The following SETBP1 variants were observed in gnomAD, a reference collection of about 807,000 sequenced individuals.
SETBP1 encodes SET-binding protein.
A neutral mutation model predicts 101.0 loss-of-function variants in SETBP1; 9 were observed. That is an observed-to-expected ratio of 0.09 (90% confidence interval 0.05 to 0.16). The LOEUF is 0.16. Ranked by LOEUF, SETBP1 falls within the 10% of genes least tolerant of loss-of-function variation. SETBP1 has a pLI of 1.00. For missense variants in SETBP1, 1,858 were observed against 2,033.8 expected (o/e 0.91, Z 1.66); for synonymous variants, 818 against 788.5 (o/e 1.04, Z -0.63).
At chr18:44,928,615 T>C (rs566643434) in intron 3 of SETBP1, among the ~76,000 whole-genome samples, 237 of 152,280 alleles carry the variant, frequency 1.6e-3, no homozygotes, top group African/African-American at 5.5e-3. Flanking sequence ...TTTTAATGAT[T>C]GCCATTCTAA....
At chr18:44,883,924 CA>C (rs2069585345) in intron 3 of SETBP1, among the ~76,000 whole-genome samples, 1 of 152,206 alleles carries the variant, frequency 6.6e-6, no homozygotes, top group African/African-American at 2.4e-5. Flanking sequence ...CATCTTCATA[CA>C]TTTCTCTTTT....
chr18:44,777,394 C>G (rs1258718462), intron 2 of SETBP1, among the ~76,000 whole-genome samples: 1 of 152,204 alleles, frequency 6.6e-6, no homozygotes, highest in Non-Finnish European at 1.5e-5. Context: ...CAACCCCTAG[C>G]ACTTAGTAAT....
chr18:44,791,720 C>CGAGA (rs111572062), intron 2 of SETBP1, among the ~76,000 whole-genome samples: 52 of 147,592 alleles, frequency 3.5e-4, no homozygotes, highest in East Asian at 7.9e-4. Context: ...CCTGTGGGGG[C>CGAGA]GAGAGAGAGA....
intron 4 of SETBP1, among the ~76,000 whole-genome samples, chr18:44,970,826 C>T (rs1253463963): frequency 2.0e-5 from 3 of 152,046 alleles, no homozygotes; most frequent in East Asian, 3.9e-4. Context: ...GCTGGGATTA[C>T]AGGCCTGAGC....
chr18:44,719,221 T>C lies in SETBP1; in HGVS notation c.486+17389T>C, dbSNP rs143448349. ...GAAATAGAAGCAGAAATCTGATAAA[T>C]TAGGGGAAGGTCAAAACACCTGAAA... is the stretch of plus-strand genomic sequence containing the variant. On this transcript the variant is annotated intron_variant, in intron 2 of 5. Coordinates refer to ENST00000649279, the MANE Select transcript of SETBP1 (RefSeq NM_015559.3). Among the ~76,000 whole-genome samples the C allele has an allele frequency of 2.6e-5, 4 of 152,012 alleles. No individual in the cohort carries two copies. The East Asian group carries it at 5.8e-4, about 22-fold the overall frequency.
intron 4 of SETBP1, among the ~76,000 whole-genome samples, chr18:45,005,071 G>A (rs1364459590): frequency 2.6e-5 from 4 of 152,168 alleles, no homozygotes; most frequent in Admixed American, 6.5e-5. Context: ...GCATCTCAGT[G>A]AAGGAATGAA....
intron 2 of SETBP1, among the ~76,000 whole-genome samples, chr18:44,707,010 T>G (rs1322658773): frequency 6.6e-6 from 1 of 152,208 alleles, no homozygotes; most frequent in Non-Finnish European, 1.5e-5. Flanking sequence ...TGCTAACTGT[T>G]TTACATTACT....
chr18:44,718,801 C>T (rs2069521702), intron 2 of SETBP1, among the ~76,000 whole-genome samples: 1 of 152,068 alleles, frequency 6.6e-6, no homozygotes, highest in African/African-American at 2.4e-5. Context: ...TTGGCAGCTT[C>T]CCACTGGTAT....
rs184094460 is a variant in SETBP1 at position 45,022,116 on chromosome 18, A to G, written c.4001-16369A>G. On this transcript the variant is annotated intron_variant, in intron 4 of 5. Transcript: ENST00000649279. ...GCAGATTTTGTCCCAAGTTGGACAC[A>G]TAGAGAACAAACCACCTCTTTTCCA... is the stretch of plus-strand genomic sequence containing the variant. Among the ~76,000 whole-genome samples, 343 of 152,304 alleles carry G rather than the reference A, an allele frequency of 2.3e-3. 1 individual carries two copies. The highest frequency in any genetic ancestry group is 7.9e-3 in the African/African-American group (329 of 41,568).
At chr18:44,868,703 G>T in intron 2 of SETBP1, among the ~76,000 whole-genome samples, 1 of 4,806 alleles carries the variant, frequency 2.1e-4, no homozygotes. Flanking sequence ...AGAGAGGACG[G>T]AAGGAAGGGA....
At chr18:44,766,830 T>G (rs1209443340) in intron 2 of SETBP1, among the ~76,000 whole-genome samples, 1 of 152,188 alleles carries the variant, frequency 6.6e-6, no homozygotes, top group Non-Finnish European at 1.5e-5. Flanking sequence ...ATTAAGATGA[T>G]AAATTTTATC....
chr18:44,748,359 G>T (rs1670197489), intron 2 of SETBP1, among the ~76,000 whole-genome samples: 1 of 152,236 alleles, frequency 6.6e-6, no homozygotes, highest in Admixed American at 6.5e-5. Context: ...TAGGCCTAGA[G>T]AGGCAAAGAA....
intron 2 of SETBP1, among the ~76,000 whole-genome samples, chr18:44,727,689 A>G (rs1170007300): frequency 1.3e-5 from 2 of 152,218 alleles, no homozygotes; most frequent in African/African-American, 4.8e-5. Context: ...CAGATTCTCG[A>G]AGGTGAAAGA....
At chr18:44,941,870 G>A (rs1187909333) in intron 3 of SETBP1, among the ~76,000 whole-genome samples, 2 of 151,826 alleles carry the variant, frequency 1.3e-5, no homozygotes, top group Non-Finnish European at 2.9e-5. Context: ...CATCAATTAT[G>A]TGTATCTTTT....
At chr18:44,770,385 G>C (rs1281760191) in intron 2 of SETBP1, among the ~76,000 whole-genome samples, 1 of 152,122 alleles carries the variant, frequency 6.6e-6, no homozygotes, top group Non-Finnish European at 1.5e-5. Flanking sequence ...TGTGGCTCTT[G>C]ATCAGTTAGA....
At chr18:44,775,775 G>T (rs1182228232) in intron 2 of SETBP1, among the ~76,000 whole-genome samples, 3 of 150,628 alleles carry the variant, frequency 2.0e-5, no homozygotes, top group Non-Finnish European at 3.0e-5. Flanking sequence ...TTAGAATAAC[G>T]AGATTAAAGA....
rs57458132 is a variant in SETBP1 at position 44,976,073 on chromosome 18, TACACACACACACACACAC to T, written c.4000+22759_4000+22776del. On this transcript the variant is annotated intron_variant, in intron 4 of 5. Transcript: ENST00000649279. ...AGTAAGTCGAGCTTTTGGGGAGGGA[TACACACACACACACACAC>T]ACACACACACACACACACACACACA... is the stretch of plus-strand genomic sequence containing the variant. Among the ~76,000 whole-genome samples, 392 of 143,686 alleles carry T rather than the reference TACACACACACACACACAC, an allele frequency of 2.7e-3. 3 individuals carry two copies. The highest frequency in any genetic ancestry group is 9.3e-3 in the African/African-American group (362 of 38,788). 94.3% of individuals were successfully genotyped at this position (143,686 alleles called of 152,430 possible). A position where few individuals can be genotyped will look rare whatever the true frequency, so the allele number is the denominator to read the frequency against.
At chr18:45,013,573 G>A (rs1226126247) in intron 4 of SETBP1, among the ~76,000 whole-genome samples, 1 of 152,126 alleles carries the variant, frequency 6.6e-6, no homozygotes, top group Non-Finnish European at 1.5e-5. Flanking sequence ...CCAAGTAGCT[G>A]GGACTACAGG....
At chr18:44,901,907 CAT>C (rs973354193) in intron 3 of SETBP1, among the ~76,000 whole-genome samples, 7 of 152,160 alleles carry the variant, frequency 4.6e-5, no homozygotes, top group African/African-American at 1.7e-4. Flanking sequence ...TATTTTAACA[CAT>C]CTTTTAAATT....
Sources: gnomAD v4.1 joint callset for allele counts (sites outside exome capture counted in the v4.1 genomes callset) on GRCh38, gnomAD v4.1.1 for gene constraint, MANE v1.5 for transcripts, NCBI Gene and HGNC (gene_info 2026-07-23, HGNC 2026-07-21) for gene names.